Variants in CCDC150 observed in about 807,000 individuals in gnomAD.
CCDC150 encodes coiled-coil domain-containing protein 150.
A neutral mutation model predicts 156.5 loss-of-function variants in CCDC150; 151 were observed. That is an observed-to-expected ratio of 0.97 (90% CI 0.85 to 1.10). The LOEUF (loss-of-function observed/expected upper bound fraction) is 1.10, where lower values mean the gene tolerates loss of function less well. Ranked by LOEUF, CCDC150 falls within the 50% of genes least tolerant of loss-of-function variation. CCDC150 has a pLI of 0.00. For synonymous variants in CCDC150, 452 were observed against 429.4 expected, an observed-to-expected ratio of 1.05 and a Z score of -0.65; for missense variants, 1,312 against 1,268.1, an observed-to-expected ratio of 1.03 and a Z score of -0.53.
At chr2:196,723,836 T>C (rs939242157) in intron 21 of CCDC150, among the ~76,000 whole-genome samples, 1 of 152,024 alleles carries the variant, frequency 6.6e-6, no homozygotes, top group Non-Finnish European at 1.5e-5. Flanking sequence ...GAGTAAGTGA[T>C]TGATGAGGAA....
At chr2:196,725,705 T>G (rs1387832354) in intron 21 of CCDC150, among the ~76,000 whole-genome samples, 2 of 152,206 alleles carry the variant, frequency 1.3e-5, no homozygotes, top group East Asian at 3.8e-4. Context: ...TGTTTCTTCT[T>G]CCTCCAGTAT....
Position 196,712,703 on chromosome 2 carries a change from GGTA to G in CCDC150, c.1831_1833del (p.Val611del), listed in dbSNP as rs1401711722. 1.9e-6 allele frequency: 3 copies of G among 1,610,870 alleles called. No individual in the cohort carries two copies. Among genetic ancestry groups the G allele is most frequent in the Non-Finnish European group, 2.5e-6 (3 of 1,178,480 alleles). ...CAAACTCAGAACTCAGTGCCAAGAG[GGTA>G]CACCTGCAGCAGGCAGATGCTCACC... On this transcript the variant is annotated inframe_deletion, in exon 17 of 28. Coordinates refer to ENST00000389175, the MANE Select transcript of CCDC150 (RefSeq NM_001080539.2).
intron 5 of CCDC150, among the ~76,000 whole-genome samples, chr2:196,660,840 A>G (rs1296295835): frequency 1.3e-5 from 2 of 152,186 alleles, no homozygotes; most frequent in Non-Finnish European, 2.9e-5. Flanking sequence ...CATGGATTGT[A>G]CTGTTAGAAT....
chr2:196,676,536 C>A lies in CCDC150; in HGVS notation c.1263-18C>A. On this transcript the variant is annotated intron_variant, in intron 11 of 27. Transcript: ENST00000389175. ...AACTCTAATTTAGCTTTCATATGTT[C>A]TTGATCTCTTCCTGCAGGGATCATT... is the stretch of plus-strand genomic sequence containing the variant. 6.3e-7 allele frequency: 1 copy of A among 1,587,568 alleles called. No individual in the cohort carries two copies. Among genetic ancestry groups the A allele is most frequent in the South Asian group, 1.2e-5 (1 of 86,624 alleles).
Position 196,677,351 on chromosome 2 carries a change from C to G in CCDC150, c.1499C>G (p.Ala500Gly). Reference sequence around the variant, plus strand: ...AGATGCAATTTGGAAAAGGAATTAGCTAAAAACAAGGTATTCTTCATTTTA... The same window carrying G: ...AGATGCAATTTGGAAAAGGAATTAGGTAAAAACAAGGTATTCTTCATTTTA... ...QERCNLEKELAKNKVDINTLT... is the reference protein window; with the variant it reads ...QERCNLEKELGKNKVDINTLT... The change falls in exon 13 of 28, where the codon GCT (alanine) becomes GGT (glycine). Residue 500 changes from alanine to glycine, a missense_variant. Ala to Gly is a moderately conservative substitution (Grantham distance 60, BLOSUM62 0). Coordinates refer to ENST00000389175, the MANE Select transcript of CCDC150 (RefSeq NM_001080539.2). 6.5e-7 allele frequency: 1 copy of G among 1,548,310 alleles called. No homozygotes were observed.
At chr2:196,701,086 G>A in intron 14 of CCDC150, 23 bp from the exon 15 acceptor site, 1 of 1,559,066 alleles carries the variant, frequency 6.4e-7, no homozygotes, top group Non-Finnish European at 8.8e-7. Flanking sequence ...TAGAGGTTCT[G>A]ATGCCTTTGT....
intron 21 of CCDC150, 84 bp downstream of exon 21, chr2:196,721,775 A>T: frequency 1.8e-6 from 2 of 1,134,684 alleles, no homozygotes; most frequent in Non-Finnish European, 2.5e-6. Flanking sequence ...CATTCGCATA[A>T]ATCAGTTAAA....
chr2:196,730,170 C>G (rs1211061634), intron 25 of CCDC150, 52 bp downstream of exon 25: 4 of 1,501,570 alleles, frequency 2.7e-6, no homozygotes, highest in Non-Finnish European at 3.6e-6. Context: ...ATGACATGTG[C>G]CAAAGCCCAG....
At chr2:196,661,817 G>A (rs542345599) in intron 5 of CCDC150, among the ~76,000 whole-genome samples, 2 of 152,242 alleles carry the variant, frequency 1.3e-5, no homozygotes, top group East Asian at 1.9e-4. Flanking sequence ...GCACATTGTA[G>A]GTATATCACG....
chr2:196,646,366 G>T lies in CCDC150; in HGVS notation c.38G>T (p.Arg13Ile). 6.2e-7 allele frequency: 1 copy of T among 1,613,840 alleles called. No individual in the cohort carries two copies. The highest frequency in any genetic ancestry group is 1.1e-5 in the South Asian group (1 of 91,072). Residue 13 changes from arginine to isoleucine, a missense_variant, in exon 2 of 28, where the codon AGA (arginine) becomes ATA (isoleucine). Transcript: ENST00000389175. Reference protein sequence around the residue: ...CKVHMETTVSRPVLSPTHINA... With the variant: ...CKVHMETTVSIPVLSPTHINA... ...GTACATATGGAAACTACAGTGTCCA[G>T]ACCGGTCCTTTCTCCAACCCACATC...
At chr2:196,642,186 A>G (rs1440902271) in intron 1 of CCDC150, among the ~76,000 whole-genome samples, 1 of 152,196 alleles carries the variant, frequency 6.6e-6, no homozygotes, top group Non-Finnish European at 1.5e-5. Context: ...AGCAATCAAT[A>G]TTTGCTCCTT....
chr2:196,652,757 A>G (rs1468720719), intron 2 of CCDC150, among the ~76,000 whole-genome samples: 1 of 152,226 alleles, frequency 6.6e-6, no homozygotes, highest in Non-Finnish European at 1.5e-5. Context: ...AGCCTGTTGC[A>G]GGAGGAGAGC....
Position 196,669,857 on chromosome 2 carries a change from A to G in CCDC150, c.917A>G (p.Lys306Arg), listed in dbSNP as rs150406735. Residue 306 changes from lysine (K) to arginine (R), a missense_variant, in exon 8 of 28, where the codon AAG becomes AGG. Lys to Arg is a conservative substitution (Grantham distance 26). Transcript: ENST00000389175. ...DLTSRDDLISKLVEENKNLQI... is the reference protein window; with the variant it reads ...DLTSRDDLISRLVEENKNLQI... ...GCTTCTAGAGATGACCTCATTTCCAAGTTGGTTGAAGAAAATAAGGTGAGT... is the reference window on the plus strand; with the variant it reads ...GCTTCTAGAGATGACCTCATTTCCAGGTTGGTTGAAGAAAATAAGGTGAGT... 5.6e-6 allele frequency: 9 copies of G among 1,611,346 alleles called. No homozygotes were observed. In the East Asian group the frequency reaches 1.8e-4, roughly 32 times the overall value.
chr2:196,725,826 C>T, intron 21 of CCDC150, 147 bp from the exon 22 acceptor site: 1 of 595,974 alleles, frequency 1.7e-6, no homozygotes, highest in Non-Finnish European at 2.8e-6. Context: ...TAATGAGCTC[C>T]AAATTAGTGA....
Position 196,711,796 on chromosome 2 carries a change from G to C in CCDC150, c.1696-349G>C, listed in dbSNP as rs559588549. 8.5e-5 allele frequency among the ~76,000 whole-genome samples: 13 copies of C among 152,136 alleles called. No homozygotes were observed. The South Asian group carries it at 2.7e-3, about 32-fold the overall frequency. On this transcript the variant is annotated intron_variant, in intron 15 of 27. Coordinates refer to ENST00000389175, the MANE Select transcript of CCDC150 (RefSeq NM_001080539.2). ...ATACACATTCAAAAGGGTTTTGAATGCCAGGTACCACAATTCAAATATATT... is the reference window on the plus strand; with the variant it reads ...ATACACATTCAAAAGGGTTTTGAATCCCAGGTACCACAATTCAAATATATT...
At chr2:196,709,441 G>T (rs1559263365) in intron 15 of CCDC150, among the ~76,000 whole-genome samples, 1 of 152,090 alleles carries the variant, frequency 6.6e-6, no homozygotes, top group Non-Finnish European at 1.5e-5. Context: ...CCTTGCAATG[G>T]GTTCGAACAT....
intron 17 of CCDC150, 44 bp from the exon 18 acceptor site, chr2:196,718,459 C>T: frequency 1.4e-6 from 2 of 1,472,032 alleles, no homozygotes; most frequent in South Asian, 1.3e-5. Flanking sequence ...TTATTCTAAT[C>T]ACTGATTTGT....
intron 12 of CCDC150, 36 bp downstream of exon 12, chr2:196,676,767 TG>T: frequency 1.3e-6 from 2 of 1,525,560 alleles, no homozygotes; most frequent in Non-Finnish European, 9.0e-7. Flanking sequence ...CTTCTCATTG[TG>T]GTGTGATGAT....
intron 15 of CCDC150, among the ~76,000 whole-genome samples, chr2:196,705,964 A>G (rs925778304): frequency 6.6e-6 from 1 of 152,178 alleles, no homozygotes; most frequent in Non-Finnish European, 1.5e-5. Context: ...GCCTTATAGT[A>G]TAGTTGGAAG....
Sources: allele counts gnomAD v4.1 joint callset (sites outside exome capture counted in the v4.1 genomes callset), GRCh38; gene constraint gnomAD v4.1.1; transcripts MANE v1.5; gene names NCBI Gene and HGNC (gene_info 2026-07-23, HGNC 2026-07-21).